The following UST variants were observed in gnomAD, a reference collection of about 807,000 sequenced individuals.
UST encodes uronyl 2-sulfotransferase, also known as chondroitin sulfate 2-O-sulfotransferase.
A neutral mutation model predicts 45.6 loss-of-function variants in UST; 21 were observed. That is an observed-to-expected ratio of 0.46 (90% CI 0.33 to 0.66). The LOEUF (loss-of-function observed/expected upper bound fraction) is 0.66, where lower values mean the gene tolerates loss of function less well. UST is among the 30% of genes least tolerant of loss of function. The probability of loss-of-function intolerance (pLI) is 0.02; values close to 1 mark genes in which losing one functional copy is unlikely to be tolerated. For synonymous variants in UST, 215 were observed against 200.6 expected, an observed-to-expected ratio of 1.07 and a Z score of -0.61; for missense variants, 463 against 512.4, an observed-to-expected ratio of 0.90 and a Z score of 0.93.
At chr6:148,892,722 C>A (rs1204730184) in intron 2 of UST, among the ~76,000 whole-genome samples, 1 of 152,180 alleles carries the variant, frequency 6.6e-6, no homozygotes, top group Non-Finnish European at 1.5e-5. Context: ...TGGCAGTGTT[C>A]TAATCCATTC....
intron 7 of UST, among the ~76,000 whole-genome samples, chr6:149,034,534 C>G (rs1482000048): frequency 6.6e-6 from 1 of 151,524 alleles, no homozygotes; most frequent in Admixed American, 6.6e-5. Flanking sequence ...CTCCCTTCCC[C>G]CAGAGGCCCT....
chr6:149,073,182 T>C (rs1362874079), intron 7 of UST, among the ~76,000 whole-genome samples: 1 of 152,274 alleles, frequency 6.6e-6, no homozygotes, highest in East Asian at 1.9e-4. Flanking sequence ...CAGTGGCTCG[T>C]GCCATAATCC....
At chr6:148,956,028 A>G (rs1780490299) in intron 4 of UST, 2 of 152,204 alleles carry the variant, frequency 1.3e-5, no homozygotes, top group South Asian at 2.1e-4. Flanking sequence ...AGAAGATACC[A>G]TGTCTACAGA....
chr6:149,008,166 G>A (rs1265889464), intron 5 of UST, among the ~76,000 whole-genome samples: 1 of 152,114 alleles, frequency 6.6e-6, no homozygotes, highest in Non-Finnish European at 1.5e-5. Flanking sequence ...TCCCACAGAG[G>A]CAGGAATTTA....
At chr6:149,065,196 G>A (rs902945956) in intron 7 of UST, among the ~76,000 whole-genome samples, 28 of 152,198 alleles carry the variant, frequency 1.8e-4, no homozygotes, top group Middle Eastern at 3.4e-3. Context: ...GATTTTTAAA[G>A]CATAATTGTT....
chr6:148,984,816 T>C (rs747595836), intron 5 of UST, among the ~76,000 whole-genome samples: 14 of 152,364 alleles, frequency 9.2e-5, no homozygotes, highest in Admixed American at 3.9e-4. Context: ...GCCAAGATTT[T>C]CATTTAGAAA....
intron 5 of UST, among the ~76,000 whole-genome samples, chr6:149,000,820 T>C (rs1231058474): frequency 6.6e-6 from 1 of 152,158 alleles, no homozygotes; most frequent in Non-Finnish European, 1.5e-5. Flanking sequence ...AGTAAAAATT[T>C]AATAGATAAG....
intron 3 of UST, 50 bp from the exon 4 acceptor site, chr6:148,953,822 G>T: frequency 1.8e-6 from 2 of 1,090,544 alleles, no homozygotes; most frequent in East Asian, 2.9e-5. Flanking sequence ...AACTTAATAT[G>T]GCTTGGTAAA....
At chr6:149,029,469 A>ATAATATATAATAATAT (rs1776106344) in intron 7 of UST, among the ~76,000 whole-genome samples, 1 of 145,346 alleles carries the variant, frequency 6.9e-6, no homozygotes, top group Admixed American at 7.0e-5. Context: ...TATATATTAT[A>ATAATATATAATAATAT]TATATAATGT....
In UST at chr6:148,748,426, TG is replaced by T. The variant is rs1390412155; in HGVS notation, c.247+750del. Reference sequence around the variant, plus strand: ...GTGTGTGTGTGTGTGTGTGTGTGTGTGTGTGTGTGTGTGTGTGTGTGTGTGT... The same window carrying T: ...GTGTGTGTGTGTGTGTGTGTGTGTGTTGTGTGTGTGTGTGTGTGTGTGTGT... On this transcript the variant is annotated intron_variant, in intron 1 of 7. Transcript: ENST00000367463. This position sits in a 1 kb window ranked among gnomAD's most constrained non-coding sequence, Gnocchi z 5.3. Among the ~76,000 whole-genome samples the T allele has an allele frequency of 6.6e-6, 1 of 150,508 alleles. No individual in the cohort carries two copies. The highest frequency in any genetic ancestry group is 2.0e-4 in the East Asian group (1 of 5,120).
intron 2 of UST, among the ~76,000 whole-genome samples, chr6:148,897,082 A>G (rs1397365132): frequency 1.3e-5 from 2 of 152,102 alleles, no homozygotes; most frequent in Admixed American, 6.5e-5. Context: ...AGTTTGCTAT[A>G]ACTTAGAGCA....
intron 7 of UST, among the ~76,000 whole-genome samples, chr6:149,042,420 AGG>A (rs1776327290): frequency 6.6e-6 from 1 of 152,182 alleles, no homozygotes; most frequent in South Asian, 2.1e-4. Context: ...GTGTGGGCAG[AGG>A]GTTAAATCTT....
At chr6:148,940,857 C>T (rs1205004123) in intron 2 of UST, among the ~76,000 whole-genome samples, 2 of 152,164 alleles carry the variant, frequency 1.3e-5, no homozygotes, top group Admixed American at 6.5e-5. Flanking sequence ...CATCCATTTA[C>T]AAATTGTCTT....
chr6:148,794,070 G>A (rs1776902625), intron 1 of UST, among the ~76,000 whole-genome samples: 1 of 152,202 alleles, frequency 6.6e-6, no homozygotes. Flanking sequence ...TGGAGTGGTT[G>A]TACCAACACA....
chr6:148,808,462 G>A (rs563013950), intron 1 of UST, among the ~76,000 whole-genome samples: 8 of 152,092 alleles, frequency 5.3e-5, no homozygotes, highest in Non-Finnish European at 1.0e-4. Flanking sequence ...CCTGGCAGCC[G>A]CCACCCTTTA....
intron 1 of UST, among the ~76,000 whole-genome samples, chr6:148,778,635 T>A (rs1162926101): frequency 6.6e-6 from 1 of 152,194 alleles, no homozygotes; most frequent in Non-Finnish European, 1.5e-5. Flanking sequence ...TGACAATCCC[T>A]GCATCAGTGT....
chr6:148,843,860 G>A (rs770945259), intron 1 of UST, among the ~76,000 whole-genome samples: 12 of 152,078 alleles, frequency 7.9e-5, no homozygotes, highest in Non-Finnish European at 1.8e-4. Context: ...CCCATTTACA[G>A]CACTTAGCAT....
At chr6:148,805,764 G>A (rs893062859) in intron 1 of UST, among the ~76,000 whole-genome samples, 1 of 152,118 alleles carries the variant, frequency 6.6e-6, no homozygotes, top group Non-Finnish European at 1.5e-5. Context: ...AATTTCCTCT[G>A]CTGTGTCTTG....
chr6:148,953,905 C>A lies in UST; in HGVS notation c.481C>A (p.Gln161Lys). The A allele has an allele frequency of 6.2e-7, 1 of 1,607,976 alleles. No homozygotes were observed. Among genetic ancestry groups the A allele is most frequent in the South Asian group, 1.1e-5 (1 of 90,006 alleles). Residue 161 changes from glutamine (Q) to lysine (K), a missense_variant, in exon 4 of 8, where the codon CAA (glutamine) becomes AAA (lysine). By Grantham distance (53) the Gln-to-Lys change is moderately conservative (BLOSUM62 1). This residue lies in a region of UST where 287 missense variants were observed against 374.2 expected (regional missense o/e 0.77). Coordinates refer to ENST00000367463, the MANE Select transcript of UST (RefSeq NM_005715.3). ...ELIKNISTAE[Q>K]PYLFTRHVHF... is the part of the protein sequence containing the mutation. ...GATTAAAAATATAAGTACTGCCGAA[C>A]AACCCTATTTATTCACTCGACATGT...
Sources: allele counts gnomAD v4.1 joint callset (sites outside exome capture counted in the v4.1 genomes callset), GRCh38; gene constraint gnomAD v4.1.1; regional missense constraint gnomAD v4.1.1; non-coding constraint Gnocchi (gnomAD v3.1); transcripts MANE v1.5; gene names NCBI Gene and HGNC (gene_info 2026-07-23, HGNC 2026-07-21).